WDR62: variants seen among roughly 807,000 people sequenced by gnomAD.
WDR62 encodes WD repeat domain 62.
A neutral mutation model predicts 160.6 loss-of-function variants in WDR62; 112 were observed. The observed-to-expected ratio is 0.70, with a 90% CI of 0.60 to 0.82. WDR62 has a LOEUF of 0.82. WDR62 is among the 40% of genes least tolerant of loss of function. The pLI is 0.00. For synonymous variants in WDR62, 792 were observed against 815.1 expected (o/e 0.97, Z 0.48); for missense variants, 1,819 against 1,983.8 (o/e 0.92, Z 1.58).
rs115806759 is a variant in WDR62 at position 36,066,471 on chromosome 19, C to G, written c.561+44C>G. On this transcript the variant is annotated intron_variant, in intron 5 of 31. Transcript: ENST00000401500. The stretch of plus-strand genomic sequence containing the variant: ...GCCTGTGGCAGGCAGCCAGCTGCCA[C>G]AGCATCCTATGTCTTGGGCACAGGG... The G allele has an allele frequency of 0.014, 21,639 of 1,558,548 alleles. 637 individuals carry two copies. Among genetic ancestry groups the G allele is most frequent in the African/African-American group, 0.11 (8,385 of 73,532 alleles).
rs1972822146 is a variant in WDR62, at chr19:36,094,291, T to TA, written c.2467+128dup. 4 of 1,234,030 alleles carry TA rather than the reference T, an allele frequency of 3.2e-6. No individual in the cohort carries two copies. The South Asian group carries it at 3.9e-5, about 12-fold the overall frequency. The allele number at this position is 1,234,030 out of a possible 1,614,324, so 76.4% of individuals were successfully genotyped here. A position where few individuals can be genotyped will look rare whatever the true frequency, so the allele number is the denominator to read the frequency against. On this transcript the variant is annotated intron_variant, in intron 20 of 31. Coordinates refer to ENST00000401500, the MANE Select transcript of WDR62 (RefSeq NM_001083961.2). Reference sequence around the variant, plus strand: ...GGAGTCGACAGGGTGCGGTGGCTGATACCTGTAATCCCAGCACTTTGGGAG... The same window carrying TA: ...GGAGTCGACAGGGTGCGGTGGCTGATAACCTGTAATCCCAGCACTTTGGGAG...
rs745896714 is a variant in WDR62 at position 36,104,880 on chromosome 19, G to C, written c.4424G>C (p.Ser1475Thr). 1 of 1,612,436 alleles carries C rather than the reference G, an allele frequency of 6.2e-7. No individual in the cohort carries two copies. The highest frequency in any genetic ancestry group is 1.1e-5 in the South Asian group (1 of 90,994). ...GAGGCTGAATGCCTGGTGGGGACTA[G>C]TGTGGCCCCAGCCCAGGCTCTGCCC... is the stretch of plus-strand genomic sequence containing the variant. ...QLEAECLVGT[S>T]VAPAQALPSP... is the part of the protein sequence containing the mutation. Residue 1475 changes from serine to threonine, a missense_variant, in exon 32 of 32, where the codon AGT (serine) becomes ACT (threonine). By Grantham distance (58) the Ser-to-Thr change is moderately conservative. Transcript: ENST00000401500.
chr19:36,071,202 C>CAAAAA, intron 7 of WDR62: 1 of 230,240 alleles, frequency 4.3e-6, no homozygotes, highest in Non-Finnish European at 8.7e-6. Flanking sequence ...AACTCTATCT[C>CAAAAA]AAAAAAAAAA....
intron 7 of WDR62, chr19:36,070,126 A>AATT (rs1971216137): frequency 6.6e-6 from 1 of 151,830 alleles, no homozygotes; most frequent in African/African-American, 2.4e-5. Context: ...GACTACACAA[A>AATT]ATACATAAAC....
intron 1 of WDR62, among the ~76,000 whole-genome samples, chr19:36,055,698 C>T (rs1274394362): frequency 6.6e-6 from 1 of 152,192 alleles, no homozygotes; most frequent in East Asian, 1.9e-4. Context: ...AAAATCTCTG[C>T]AGTGCTGCCT....
At chr19:36,102,910 C>G (rs759489794) in intron 27 of WDR62, 38 bp from the exon 28 acceptor site, 29 of 1,614,026 alleles carry the variant, frequency 1.8e-5, no homozygotes, top group Non-Finnish European at 2.2e-5. Context: ...CCAGGGCAGG[C>G]TGAATGAGAA....
In WDR62 at chr19:36,091,222, C is replaced by G. The variant is rs797046107; in HGVS notation, c.2057C>G (p.Thr686Ser). The change falls in exon 17 of 32, where the codon ACC becomes AGC. Residue 686 changes from threonine to serine, a missense_variant. By Grantham distance (58) the Thr-to-Ser change is moderately conservative. Transcript: ENST00000401500. ...CAGGTCCATGTGGACCCCTCAGGCACCTTCCTGGCCACCAGCTGCTCTGAC... is the reference window on the plus strand; with the variant it reads ...CAGGTCCATGTGGACCCCTCAGGCAGCTTCCTGGCCACCAGCTGCTCTGAC... ...LLKVHVDPSG[T>S]FLATSCSDKS... is the part of the protein sequence containing the mutation. The G allele has an allele frequency of 1.2e-6, 2 of 1,612,858 alleles. No individual in the cohort carries two copies. Among genetic ancestry groups the G allele is most frequent in the African/African-American group, 1.3e-5 (1 of 75,016 alleles).
At chr19:36,062,909 T>C (rs1488317867) in intron 3 of WDR62, among the ~76,000 whole-genome samples, 1 of 152,092 alleles carries the variant, frequency 6.6e-6, no homozygotes, top group Non-Finnish European at 1.5e-5. Flanking sequence ...TCTTTCAGGC[T>C]GACGTGGCTC....
chr19:36,058,413 C>G (rs1349133196), intron 1 of WDR62, among the ~76,000 whole-genome samples: 1 of 152,214 alleles, frequency 6.6e-6, no homozygotes, highest in South Asian at 2.1e-4. Context: ...CCGCGGCATT[C>G]GCCCCCTTCC....
At chr19:36,091,498 CAG>C (rs778020743) in intron 18 of WDR62, 33 bp downstream of exon 18, 29 of 1,603,494 alleles carry the variant, frequency 1.8e-5, no homozygotes, top group Middle Eastern at 3.3e-4. Flanking sequence ...AGTTGTGGCT[CAG>C]ATACCATGAG....
At chr19:36,081,316 GGTAT>G in intron 9 of WDR62, 113 bp from the exon 10 acceptor site, 1 of 1,164,274 alleles carries the variant, frequency 8.6e-7, no homozygotes, top group Non-Finnish European at 1.3e-6. Flanking sequence ...TAGCATAGAA[GGTAT>G]TGCACGATAC....
Position 36,075,018 on chromosome 19 carries a change from C to T in WDR62, c.1233+1487C>T, listed in dbSNP as rs982708931. On this transcript the variant is annotated intron_variant, in intron 9 of 31. Transcript: ENST00000401500. ...AGTTCTAGAAAATTCTCAGCCAATACTGCTTCTACCCTCTTCTCTCTCTTT... is the reference window on the plus strand; with the variant it reads ...AGTTCTAGAAAATTCTCAGCCAATATTGCTTCTACCCTCTTCTCTCTCTTT... The T allele has an allele frequency of 2.6e-5, 4 of 152,128 alleles. No homozygotes were observed. In the South Asian group the frequency reaches 8.3e-4, roughly 32 times the overall value. The allele number at this position is 152,128 out of a possible 1,614,324, so 9.4% of individuals were successfully genotyped here.
chr19:36,110,818 A>G, the WDR62 span, among the ~76,000 whole-genome samples: 1 of 152,086 alleles, frequency 6.6e-6, no homozygotes, highest in African/African-American at 2.4e-5. Flanking sequence ...AGGCTGCTGG[A>G]TGTCCCCTGG....
rs1178923783 is a variant in WDR62 at position 36,099,541 on chromosome 19, C to T, written c.2663C>T (p.Pro888Leu). The change falls in exon 22 of 32, where the codon CCC (proline) becomes CTC (leucine). Residue 888 changes from proline to leucine, a missense_variant. Transcript: ENST00000401500. ...CAGGACCTGGATTGCTACTTTACCC[C>T]CATGAAGCCCGAGAGTCTGGAGAAC... The part of the protein sequence containing the change: ...DAQDLDCYFT[P>L]MKPESLENSI... 1.2e-6 allele frequency: 2 copies of T among 1,614,084 alleles called. No individual in the cohort carries two copies. The highest frequency in any genetic ancestry group is 4.5e-5 in the East Asian group (2 of 44,892).
chr19:36,060,080 C>T (rs1375660775), intron 3 of WDR62, 50 bp downstream of exon 3: 12 of 1,569,740 alleles, frequency 7.6e-6, no homozygotes, highest in East Asian at 2.2e-5. Flanking sequence ...GGGCTTGGCA[C>T]GCCTCCCCTC....
rs1971292372 is a variant in WDR62, at chr19:36,071,441, AC to A, written c.883-112del. The stretch of plus-strand genomic sequence containing the variant: ...AAATATGCTAAAATGGGTGTCTTAG[AC>A]CCAAGGAACTGTAAGTCTTCTCTGG... On this transcript the variant is annotated intron_variant, in intron 7 of 31. Coordinates refer to ENST00000401500, the MANE Select transcript of WDR62 (RefSeq NM_001083961.2). 3 of 1,202,830 alleles carry A rather than the reference AC, an allele frequency of 2.5e-6. No individual in the cohort carries two copies. In the Admixed American group the frequency reaches 5.1e-5, roughly 20 times the overall value. 74.5% of individuals were successfully genotyped at this position (1,202,830 alleles called of 1,614,324 possible).
At chr19:36,077,562 G>A (rs1168532585) in intron 9 of WDR62, among the ~76,000 whole-genome samples, 3 of 151,428 alleles carry the variant, frequency 2.0e-5, no homozygotes, top group African/African-American at 7.3e-5. Flanking sequence ...TTACAGGCAT[G>A]AGCCACCATG....
intron 21 of WDR62, among the ~76,000 whole-genome samples, 178 bp downstream of exon 21, chr19:36,097,257 G>A (rs1428772586): frequency 1.3e-5 from 2 of 152,224 alleles, no homozygotes; most frequent in African/African-American, 2.4e-5. Flanking sequence ...GCCAGGCATT[G>A]TTCTGGATGT....
Position 36,089,167 on chromosome 19 carries a change from T to C in WDR62, c.1837-18T>C. ...GGGTTGTCGGGGCATTCTCTGAAGGTCCTGCCGGCCCTGCCAGGGTTCGGA... is the reference window on the plus strand; with the variant it reads ...GGGTTGTCGGGGCATTCTCTGAAGGCCCTGCCGGCCCTGCCAGGGTTCGGA... On this transcript the variant is annotated intron_variant, in intron 14 of 31. Transcript: ENST00000401500. 6.2e-7 allele frequency: 1 copy of C among 1,613,492 alleles called. No homozygotes were observed. The highest frequency in any genetic ancestry group is 8.5e-7 in the Non-Finnish European group (1 of 1,179,726).
Sources: allele counts gnomAD v4.1 joint callset (sites outside exome capture counted in the v4.1 genomes callset), GRCh38; gene constraint gnomAD v4.1.1; transcripts MANE v1.5; gene names NCBI Gene and HGNC (gene_info 2026-07-23, HGNC 2026-07-21).